EFCAB8: variants seen among roughly 807,000 people sequenced by gnomAD.
The protein encoded by EFCAB8 is EF-hand calcium-binding domain-containing protein 8.
Under a neutral mutation model 116.3 loss-of-function variants are expected in EFCAB8, and 100 were observed. The observed-to-expected ratio is 0.86, with a 90% CI of 0.73 to 1.02. EFCAB8 has a LOEUF of 1.02. Among genes scored for constraint, EFCAB8 ranks in the 50% least tolerant of loss-of-function variants. The pLI is 0.00. For synonymous variants in EFCAB8, 558 were observed against 567.9 expected, an observed-to-expected ratio of 0.98 and a Z score of 0.25; for missense variants, 1,320 against 1,416.9, an observed-to-expected ratio of 0.93 and a Z score of 1.10.
At chr20:32,921,009 A>T (rs73116352) in intron 20 of EFCAB8, among the ~76,000 whole-genome samples, 1 of 151,932 alleles carries the variant, frequency 6.6e-6, no homozygotes, top group Non-Finnish European at 1.5e-5. Context: ...CCTCACTGTG[A>T]TACTGACTCC....
chr20:32,874,668 A>G (rs1258427422), intron 3 of EFCAB8, among the ~76,000 whole-genome samples: 2 of 152,076 alleles, frequency 1.3e-5, no homozygotes, highest in African/African-American at 2.4e-5. Flanking sequence ...CAGCCTCCCA[A>G]GTAGCTGGGA....
chr20:32,863,887 C>T (rs1267292481), intron 2 of EFCAB8, 53 bp downstream of exon 2: 1 of 1,541,580 alleles, frequency 6.5e-7, no homozygotes, highest in East Asian at 2.5e-5. Context: ...CCAGAGTCAC[C>T]CAAAACCTCA....
chr20:32,871,149 GC>G, intron 3 of EFCAB8, among the ~76,000 whole-genome samples: 2 of 151,982 alleles, frequency 1.3e-5, no homozygotes, highest in African/African-American at 4.8e-5. Flanking sequence ...ACCGTGCCCG[GC>G]CCTCTCTACT....
chr20:32,924,927 G>A (rs1987614090), intron 20 of EFCAB8, among the ~76,000 whole-genome samples: 1 of 152,060 alleles, frequency 6.6e-6, no homozygotes, highest in South Asian at 2.1e-4. Context: ...CTTCTCTCTG[G>A]GGCACTTGTG....
At chr20:32,943,886 T>C (rs1046329561) in intron 23 of EFCAB8, 82 bp downstream of exon 23, 14 of 413,258 alleles carry the variant, frequency 3.4e-5, no homozygotes, top group Non-Finnish European at 4.0e-5. Flanking sequence ...GTATGAACTT[T>C]GTACTCTGTG....
chr20:32,956,720 A>C (rs1988974283), intron 23 of EFCAB8, among the ~76,000 whole-genome samples: 1 of 152,072 alleles, frequency 6.6e-6, no homozygotes, highest in South Asian at 2.1e-4. Context: ...CAGCAGTTTG[A>C]CTATGATGTG....
intron 10 of EFCAB8, among the ~76,000 whole-genome samples, chr20:32,897,315 C>G (rs1200986675): frequency 6.6e-6 from 1 of 152,184 alleles, no homozygotes; most frequent in Non-Finnish European, 1.5e-5. Flanking sequence ...TTCGTGCTCT[C>G]GGTTGTCTCC....
At chr20:32,872,342 A>G (rs1984721135) in intron 3 of EFCAB8, among the ~76,000 whole-genome samples, 1 of 152,192 alleles carries the variant, frequency 6.6e-6, no homozygotes, top group Non-Finnish European at 1.5e-5. Context: ...AATGCCTGGC[A>G]TGAAGTGCCA....
intron 6 of EFCAB8, 39 bp downstream of exon 6, chr20:32,885,679 T>C (rs2146202467): frequency 6.5e-7 from 1 of 1,546,320 alleles, no homozygotes; most frequent in East Asian, 2.5e-5. Context: ...ACATGGGTGA[T>C]TGGAGAGCCT....
chr20:32,862,003 T>G (rs1984139414), intron 1 of EFCAB8, among the ~76,000 whole-genome samples: 1 of 152,214 alleles, frequency 6.6e-6, no homozygotes, highest in African/African-American at 2.4e-5. Context: ...CCTTATCACC[T>G]TAGGTCACTT....
intron 23 of EFCAB8, among the ~76,000 whole-genome samples, chr20:32,946,281 C>T (rs1314658341): frequency 6.6e-6 from 1 of 152,254 alleles, no homozygotes; most frequent in Non-Finnish European, 1.5e-5. Flanking sequence ...CAGTCTTTCC[C>T]TCCCAGGGAG....
chr20:32,940,023 C>CCTTCCTTCCTT (rs1988346452), intron 22 of EFCAB8, among the ~76,000 whole-genome samples: 1 of 56,076 alleles, frequency 1.8e-5, no homozygotes, highest in East Asian at 4.5e-4. Context: ...CTCCCTCCCT[C>CCTTCCTTCCTT]CCTTCCTTCC....
intron 23 of EFCAB8, among the ~76,000 whole-genome samples, chr20:32,953,898 C>G (rs981868029): frequency 3.9e-4 from 60 of 152,152 alleles, no homozygotes; most frequent in Non-Finnish European, 1.0e-4. Context: ...GCAACCTTCA[C>G]CTCCTGGGTT....
chr20:32,895,755 A>T lies in EFCAB8; in HGVS notation c.884-699A>T, dbSNP rs544276081. Among the ~76,000 whole-genome samples the T allele has an allele frequency of 5.3e-5, 8 of 151,696 alleles. No homozygotes were observed. The South Asian group carries it at 1.7e-3, about 32-fold the overall frequency. ...CCCGGCTAATTTTTGTATTTTTGTA[A>T]AGACAGGGTTTCACTATGCTGGCCA... On this transcript the variant is annotated intron_variant, in intron 9 of 26. Coordinates refer to ENST00000400522, the MANE Select transcript of EFCAB8 (RefSeq NM_001143967.2).
chr20:32,906,444 C>T (rs1986676935), intron 11 of EFCAB8, 118 bp from the exon 12 acceptor site: 1 of 669,046 alleles, frequency 1.5e-6, no homozygotes, highest in African/African-American at 1.8e-5. Context: ...GTAGTGACTC[C>T]TCCCTAGGCC....
chr20:32,928,007 C>G (rs1165273045), intron 20 of EFCAB8, among the ~76,000 whole-genome samples: 1 of 152,174 alleles, frequency 6.6e-6, no homozygotes, highest in East Asian at 1.9e-4. Context: ...CCTCCAAACC[C>G]TGGAAACCCC....
intron 9 of EFCAB8, among the ~76,000 whole-genome samples, chr20:32,893,816 C>T (rs923925240): frequency 2.4e-4 from 36 of 152,166 alleles, no homozygotes; most frequent in African/African-American, 6.3e-4. Context: ...CCTTGCTGAG[C>T]GCTTTGCATG....
chr20:32,902,843 C>G lies in EFCAB8; in HGVS notation c.1089-3719C>G, dbSNP rs1986494134. Among the ~76,000 whole-genome samples the G allele has an allele frequency of 2.0e-5, 3 of 152,204 alleles. No individual in the cohort carries two copies. In the South Asian group the frequency reaches 6.2e-4, roughly 31 times the overall value. ...TTGCAGCCAGCCTCACCTGAGTTCT[C>G]AGATGGTTCGAGCCAGGAGCAAATC... is the stretch of plus-strand genomic sequence containing the variant. On this transcript the variant is annotated intron_variant, in intron 11 of 26. Coordinates refer to ENST00000400522, the MANE Select transcript of EFCAB8 (RefSeq NM_001143967.2).
intron 1 of EFCAB8, 93 bp downstream of exon 1, chr20:32,859,099 C>T (rs180845360): frequency 2.3e-4 from 108 of 465,726 alleles, no homozygotes; most frequent in African/African-American, 2.0e-3. Context: ...GAGAGCAGCT[C>T]TTATCTGTGT....
Sources: allele counts gnomAD v4.1 joint callset (sites outside exome capture counted in the v4.1 genomes callset), GRCh38; gene constraint gnomAD v4.1.1; transcripts MANE v1.5; gene names NCBI Gene and HGNC (gene_info 2026-07-23, HGNC 2026-07-21).